Variants in CCDC12 observed in about 807,000 individuals in gnomAD.
CCDC12 encodes the protein coiled-coil domain-containing protein 12.
CCDC12 carries 28 observed loss-of-function variants against 25.7 expected under a neutral mutation model. That is an observed-to-expected ratio of 1.09 (90% confidence interval 0.81 to 1.50). CCDC12 has a LOEUF of 1.50. Among genes scored for constraint, CCDC12 ranks in the 40% most tolerant of loss-of-function variants. The probability of loss-of-function intolerance (pLI) is 0.00; values close to 1 mark genes in which losing one functional copy is unlikely to be tolerated. For missense variants in CCDC12, 198 were observed against 210.0 expected (o/e 0.94, Z 0.35); for synonymous variants, 75 against 87.7 (o/e 0.86, Z 0.81).
At chr3:46,934,052 T>C (rs914438086) in intron 2 of CCDC12, among the ~76,000 whole-genome samples, 12 of 152,190 alleles carry the variant, frequency 7.9e-5, no homozygotes, top group Non-Finnish European at 1.5e-4. Flanking sequence ...CCCAAAGTGC[T>C]GGGATTACAG....
intron 1 of CCDC12, among the ~76,000 whole-genome samples, chr3:46,973,304 G>C (rs1575566914): frequency 1.4e-5 from 2 of 147,164 alleles, no homozygotes; most frequent in Admixed American, 1.4e-4. Context: ...AGTGAGCTGA[G>C]ATCGTGCCAT....
chr3:46,954,696 C>T lies in CCDC12; in HGVS notation c.97-13631G>A, dbSNP rs140334076. On this transcript the variant is annotated intron_variant, in intron 1 of 6. Coordinates refer to ENST00000683445, the MANE Select transcript of CCDC12 (RefSeq NM_001277074.2). ...ATCCCAGCACTCTGGGAGGCCGAGGCGGGCAGATCACAAGGTTAGGAGTTC... is the reference window on the plus strand; with the variant it reads ...ATCCCAGCACTCTGGGAGGCCGAGGTGGGCAGATCACAAGGTTAGGAGTTC... Among the ~76,000 whole-genome samples, 443 of 152,250 alleles carry T rather than the reference C, an allele frequency of 2.9e-3. 3 individuals carry two copies. The highest frequency in any genetic ancestry group is 9.8e-3 in the African/African-American group (407 of 41,534).
intron 1 of CCDC12, among the ~76,000 whole-genome samples, chr3:46,953,014 G>A (rs1253310410): frequency 6.6e-6 from 1 of 152,094 alleles, no homozygotes; most frequent in African/African-American, 2.4e-5. Flanking sequence ...TGTGTCTAGG[G>A]TGCCTCCATC....
At chr3:46,951,376 C>CA (rs2034108403) in intron 1 of CCDC12, among the ~76,000 whole-genome samples, 1 of 151,896 alleles carries the variant, frequency 6.6e-6, no homozygotes, top group Non-Finnish European at 1.5e-5. Context: ...AGTCTCACCA[C>CA]AAAAAATGTT....
intron 1 of CCDC12, among the ~76,000 whole-genome samples, chr3:46,964,336 G>T (rs1019973275): frequency 2.7e-5 from 4 of 150,346 alleles, no homozygotes; most frequent in African/African-American, 9.8e-5. Context: ...GAGGTGGGGG[G>T]TCAGCCCCCG....
At chr3:46,939,971 AT>A (rs2033628249) in intron 2 of CCDC12, among the ~76,000 whole-genome samples, 1 of 152,108 alleles carries the variant, frequency 6.6e-6, no homozygotes, top group African/African-American at 2.4e-5. Context: ...GCCTAAGCCC[AT>A]CAAGATCTAC....
intron 2 of CCDC12, 21 bp downstream of exon 2, chr3:46,940,977 G>A: frequency 6.2e-7 from 1 of 1,612,908 alleles, no homozygotes; most frequent in Non-Finnish European, 8.5e-7. Context: ...AGCAGACCCT[G>A]GAGCTGCACA....
intron 1 of CCDC12, among the ~76,000 whole-genome samples, chr3:46,957,711 G>A (rs1424162856): frequency 6.6e-6 from 1 of 152,128 alleles, no homozygotes; most frequent in Non-Finnish European, 1.5e-5. Flanking sequence ...GGAGGCCAAG[G>A]TGGGTGGATC....
chr3:46,976,505 G>C, intron 1 of CCDC12, 132 bp downstream of exon 1: 1 of 1,438,628 alleles, frequency 7.0e-7, no homozygotes, highest in Non-Finnish European at 9.1e-7. Context: ...GTCTTCTCGC[G>C]CATGCGTTAG....
chr3:46,937,749 T>C lies in CCDC12; in HGVS notation c.164+3249A>G, dbSNP rs557782701. Among the ~76,000 whole-genome samples, 15 of 152,288 alleles carry C rather than the reference T, an allele frequency of 9.8e-5. No individual in the cohort carries two copies. The South Asian group carries it at 3.1e-3, about 32-fold the overall frequency. On this transcript the variant is annotated intron_variant, in intron 2 of 6. Transcript: ENST00000683445. The stretch of plus-strand genomic sequence containing the variant: ...GCTGCATCCTGCTCTTCCTGGAAAG[T>C]CCATCATCCCCAATCCCTGGACCCT...
upstream of CCDC12, among the ~76,000 whole-genome samples, chr3:46,980,864 C>T (rs1038376881): frequency 6.6e-6 from 1 of 152,212 alleles, no homozygotes. Flanking sequence ...TGCCTGGCAT[C>T]ATGCTCCTGG....
chr3:46,980,075 C>T (rs888512418), upstream of CCDC12, among the ~76,000 whole-genome samples: 2 of 151,890 alleles, frequency 1.3e-5, no homozygotes, highest in African/African-American at 2.4e-5. Flanking sequence ...CACGTGTGTG[C>T]CCCCAGCCCG....
At chr3:46,959,198 C>T (rs1179499194) in intron 1 of CCDC12, among the ~76,000 whole-genome samples, 1 of 39,968 alleles carries the variant, frequency 2.5e-5, no homozygotes, top group Admixed American at 4.2e-4. Context: ...CACACACTTC[C>T]TTTAGCTACA....
chr3:46,923,486 G>A (rs1250428172), intron 4 of CCDC12, 121 bp downstream of exon 4: 2 of 1,465,164 alleles, frequency 1.4e-6, no homozygotes, highest in East Asian at 4.8e-5. Context: ...AGAGCAAAGG[G>A]GCTGGTGGGA....
chr3:46,976,499 T>C (rs1458840027), intron 1 of CCDC12, 138 bp downstream of exon 1: 1 of 1,437,356 alleles, frequency 7.0e-7, no homozygotes, highest in Non-Finnish European at 9.1e-7. Context: ...GGCGCCGTCT[T>C]CTCGCGCATG....
intron 2 of CCDC12, among the ~76,000 whole-genome samples, chr3:46,927,657 T>C (rs2033022018): frequency 6.6e-6 from 1 of 152,168 alleles, no homozygotes; most frequent in Admixed American, 6.5e-5. Context: ...CCGACCACCA[T>C]GGGAAGGTCT....
chr3:46,944,673 C>A (rs936501085), intron 1 of CCDC12, among the ~76,000 whole-genome samples: 1 of 152,054 alleles, frequency 6.6e-6, no homozygotes, highest in Admixed American at 6.5e-5. Context: ...TTCCCCTCCA[C>A]CCCTGCCTGC....
chr3:46,975,226 C>A (rs974124834), intron 1 of CCDC12, among the ~76,000 whole-genome samples: 6 of 151,636 alleles, frequency 4.0e-5, no homozygotes, highest in Non-Finnish European at 5.9e-5. Flanking sequence ...CACTCTGTAA[C>A]CTAGGCTGGA....
chr3:46,937,863 T>A (rs1307982699), intron 2 of CCDC12, among the ~76,000 whole-genome samples: 1 of 152,208 alleles, frequency 6.6e-6, no homozygotes, highest in Admixed American at 6.5e-5. Context: ...GAGCAAGCCC[T>A]CTGCTCTGGA....
Sources: gnomAD v4.1 joint callset for allele counts (sites outside exome capture counted in the v4.1 genomes callset) on GRCh38, gnomAD v4.1.1 for gene constraint, MANE v1.5 for transcripts, NCBI Gene and HGNC (gene_info 2026-07-23, HGNC 2026-07-21) for gene names.